MED1: variants seen among roughly 807,000 people sequenced by gnomAD.
The protein encoded by MED1 is mediator complex subunit 1, also known as mediator of RNA polymerase II transcription subunit 1.
Under a neutral mutation model 121.3 loss-of-function variants are expected in MED1, and 17 were observed. The observed-to-expected ratio is 0.14, with a 90% CI of 0.10 to 0.21. The LOEUF (loss-of-function observed/expected upper bound fraction) is 0.21. Ranked by LOEUF, MED1 falls within the 10% of genes least tolerant of loss-of-function variation. The pLI is 1.00. For missense variants in MED1, 1,558 were observed against 1,919.4 expected (o/e 0.81, Z 3.52); for synonymous variants, 661 against 694.4 (o/e 0.95, Z 0.76).
rs572280233 is a variant in MED1 at position 39,406,940 on chromosome 17, C to A, written c.*535G>T. On this transcript the variant is annotated 3_prime_UTR_variant, in exon 17 of 17. Coordinates refer to ENST00000300651, the MANE Select transcript of MED1 (RefSeq NM_004774.4). ...CCCAGTCACTCCTAAGAAACAGACACCAAACATTACTTAAGTGTCCAAAAT... is the reference window on the plus strand; with the variant it reads ...CCCAGTCACTCCTAAGAAACAGACAACAAACATTACTTAAGTGTCCAAAAT... The A allele has an allele frequency of 2.0e-4, 198 of 986,060 alleles. 3 individuals carry two copies. The South Asian group carries it at 8.4e-3, about 42-fold the overall frequency. 61.1% of individuals were successfully genotyped at this position (986,060 alleles called of 1,614,324 possible).
chr17:39,427,144 CTT>C (rs1326227940), intron 10 of MED1, among the ~76,000 whole-genome samples: 1 of 152,046 alleles, frequency 6.6e-6, no homozygotes, highest in Non-Finnish European at 1.5e-5. Flanking sequence ...GTTTATATCT[CTT>C]CTTATGAGTT....
rs758530763 is a variant in MED1, at chr17:39,407,881, G to A, written c.4340C>T (p.Ser1447Phe). The A allele has an allele frequency of 6.2e-7, 1 of 1,614,012 alleles. No individual in the cohort carries two copies. The highest frequency in any genetic ancestry group is 8.5e-7 in the Non-Finnish European group (1 of 1,180,042). ...TGCTGGTGACTTACTATGGCTGGGAGAGCCACGCTCATGCTTTGGAGTGGA... is the reference window on the plus strand; with the variant it reads ...TGCTGGTGACTTACTATGGCTGGGAAAGCCACGCTCATGCTTTGGAGTGGA... ...SGSTPKHERGSPSHSKSPAYT... is the reference protein window; with the variant it reads ...SGSTPKHERGFPSHSKSPAYT... The change falls in exon 17 of 17, where the codon TCT becomes TTT. Residue 1447 changes from serine (S) to phenylalanine (F), a missense_variant. By Grantham distance (155) the Ser-to-Phe change is radical. Around this residue, in one of 5 missense-constraint regions of MED1, gnomAD observed 264 missense variants for 326.1 expected, o/e 0.81. Transcript: ENST00000300651.
intron 7 of MED1, 23 bp from the exon 8 acceptor site, chr17:39,432,039 A>AT: frequency 1.9e-6 from 3 of 1,551,984 alleles, no homozygotes; most frequent in Non-Finnish European, 2.7e-6. Context: ...TGAGAAGAAC[A>AT]TGAGTTAATA....
intron 11 of MED1, 62 bp from the exon 12 acceptor site, chr17:39,423,883 A>C: frequency 1.3e-6 from 2 of 1,523,404 alleles, no homozygotes; most frequent in Non-Finnish European, 1.8e-6. Context: ...AAAAACCCAA[A>C]CACCTTTTTT....
chr17:39,446,729 G>A (rs1435792084), intron 2 of MED1, among the ~76,000 whole-genome samples: 2 of 150,664 alleles, frequency 1.3e-5, no homozygotes, highest in African/African-American at 4.9e-5. Flanking sequence ...AGCCGAGATC[G>A]CACCATTGCA....
intron 7 of MED1, among the ~76,000 whole-genome samples, chr17:39,433,840 T>G (rs1433178113): frequency 2.0e-5 from 3 of 152,154 alleles, no homozygotes; most frequent in Admixed American, 6.6e-5. Flanking sequence ...ATTAGAGGCA[T>G]GGGCCACTTT....
chr17:39,419,631 G>C, intron 14 of MED1, 86 bp downstream of exon 14: 1 of 1,374,718 alleles, frequency 7.3e-7, no homozygotes, highest in Non-Finnish European at 1.0e-6. Context: ...AAGTTCTACA[G>C]GTGATTCTGA....
chr17:39,418,938 C>T (rs1053860097), intron 14 of MED1, among the ~76,000 whole-genome samples: 1 of 152,028 alleles, frequency 6.6e-6, no homozygotes, highest in African/African-American at 2.4e-5. Context: ...CAGGTGTATA[C>T]CACCACACCC....
At chr17:39,416,969 T>G (rs1347039073) in intron 14 of MED1, among the ~76,000 whole-genome samples, 1 of 152,072 alleles carries the variant, frequency 6.6e-6, no homozygotes, top group African/African-American at 2.4e-5. Flanking sequence ...GCCCAGGAGT[T>G]TGAGGCCAAA....
chr17:39,409,144 G>A lies in MED1; in HGVS notation c.3077C>T (p.Ser1026Phe), dbSNP rs760842347. 4 of 1,614,038 alleles carry A rather than the reference G, an allele frequency of 2.5e-6. No individual in the cohort carries two copies. The highest frequency in any genetic ancestry group is 3.3e-4 in the Middle Eastern group (2 of 6,082). Residue 1026 changes from serine (S) to phenylalanine (F), a missense_variant, in exon 17 of 17, where the codon TCT becomes TTT. Physicochemically the swap from Ser to Phe is radical, Grantham distance 155 (BLOSUM62 -2). Transcript: ENST00000300651. ...DTEGKSPSHSSSNRPFTPPTS... is the reference protein window; with the variant it reads ...DTEGKSPSHSFSNRPFTPPTS... ...AGGTGGGGTAAAAGGTCTGTTAGAA[G>A]AACTATGAGATGGAGACTTTCCCTC...
intron 16 of MED1, among the ~76,000 whole-genome samples, chr17:39,412,218 AT>A (rs1227186097): frequency 5.6e-5 from 8 of 143,512 alleles, no homozygotes; most frequent in Admixed American, 6.9e-5. Context: ...ATGTCAGCAA[AT>A]TTTTTTTTCT....
intron 12 of MED1, 89 bp downstream of exon 12, chr17:39,423,608 G>T: frequency 6.4e-7 from 1 of 1,560,688 alleles, no homozygotes; most frequent in South Asian, 1.1e-5. Flanking sequence ...AATGAGGCAT[G>T]TAAGACTGAA....
At position 39,408,913 on chromosome 17, in the gene MED1, G is replaced by C. The variant is rs1041278682; in HGVS notation, c.3308C>G (p.Ser1103Cys). Residue 1103 changes from serine (S) to cysteine (C), a missense_variant, in exon 17 of 17, where the codon TCC (serine) becomes TGC (cysteine). By Grantham distance (112) the Ser-to-Cys change is moderately radical. Transcript: ENST00000300651. This position sits in a 1 kb window ranked among gnomAD's most constrained non-coding sequence, Gnocchi z 4.7. The part of the protein sequence containing the change: ...GSKSHHSHSS[S>C]SSSSASTSGK... ...TGAGGTGGAAGCAGATGAGGAAGAG[G>C]AGGAAGAATGGCTATGGTGGCTTTT... is the stretch of plus-strand genomic sequence containing the variant. 6.2e-7 allele frequency: 1 copy of C among 1,614,156 alleles called. No homozygotes were observed. The highest frequency in any genetic ancestry group is 1.7e-5 in the Admixed American group (1 of 60,028).
At chr17:39,416,360 T>G (rs935984226) in intron 14 of MED1, among the ~76,000 whole-genome samples, 1 of 152,300 alleles carries the variant, frequency 6.6e-6, no homozygotes, top group East Asian at 1.9e-4. Context: ...CAGCCCATAG[T>G]TTGGCAAGCA....
At chr17:39,441,365 A>G (rs1215245278) in intron 3 of MED1, among the ~76,000 whole-genome samples, 1 of 152,196 alleles carries the variant, frequency 6.6e-6, no homozygotes, top group Non-Finnish European at 1.5e-5. Context: ...AGTTTTACAG[A>G]TGGACAGTGG....
In MED1 at chr17:39,406,276, TG is replaced by T; in HGVS notation, c.*1198del. 1.0e-6 allele frequency: 1 copy of T among 985,584 alleles called. No individual in the cohort carries two copies. The highest frequency in any genetic ancestry group is 1.2e-6 in the Non-Finnish European group (1 of 829,938). 61.1% of individuals were successfully genotyped at this position (985,584 alleles called of 1,614,324 possible). On this transcript the variant is annotated 3_prime_UTR_variant, in exon 17 of 17. Transcript: ENST00000300651. ...GCTTGAAATTGTTTTAAGTGAACTATGGCTGCGGATTTTTTACTGTTTTATC... is the reference window on the plus strand; with the variant it reads ...GCTTGAAATTGTTTTAAGTGAACTATGCTGCGGATTTTTTACTGTTTTATC...
chr17:39,430,013 G>A (rs1163802330), intron 9 of MED1, among the ~76,000 whole-genome samples: 1 of 152,084 alleles, frequency 6.6e-6, no homozygotes, highest in Non-Finnish European at 1.5e-5. Context: ...GGCCCAGGAG[G>A]TTGAGGCTGG....
chr17:39,411,188 G>A (rs113918372), intron 16 of MED1, among the ~76,000 whole-genome samples: 2,613 of 152,048 alleles, frequency 0.017, 73 homozygotes, highest in African/African-American at 0.058. Context: ...GCGTGGTGGC[G>A]CGTGCCTGTA....
In MED1 at chr17:39,424,717, T is replaced by C. The variant is rs112836670; in HGVS notation, c.761A>G (p.Asn254Ser). Reference sequence around the variant, plus strand: ...TGTTCCTTCAATTGTCACTGATGCATTCATGCCCAAAGATCGAGAAACTGG... The same window carrying C: ...TGTTCCTTCAATTGTCACTGATGCACTCATGCCCAAAGATCGAGAAACTGG... ...ENNVSRSLGMNASVTIEGTSA... is the reference protein window; with the variant it reads ...ENNVSRSLGMSASVTIEGTSA... Residue 254 changes from asparagine to serine, a missense_variant, in exon 11 of 17, where the codon AAT (asparagine) becomes AGT (serine). Asn to Ser is a conservative substitution (Grantham distance 46). This residue lies in a region of MED1 where 443 missense variants were observed against 532.4 expected (regional missense o/e 0.83). Coordinates refer to ENST00000300651, the MANE Select transcript of MED1 (RefSeq NM_004774.4). 1 of 1,608,448 alleles carries C rather than the reference T, an allele frequency of 6.2e-7. No homozygotes were observed. Among genetic ancestry groups the C allele is most frequent in the Non-Finnish European group, 8.5e-7 (1 of 1,176,856 alleles).
Sources: gnomAD v4.1 joint callset for allele counts (sites outside exome capture counted in the v4.1 genomes callset) on GRCh38, gnomAD v4.1.1 for gene constraint, gnomAD v4.1.1 regional missense constraint, Gnocchi (gnomAD v3.1) non-coding constraint, MANE v1.5 for transcripts, NCBI Gene and HGNC (gene_info 2026-07-23, HGNC 2026-07-21) for gene names.